The following ASCC3 variants were observed in gnomAD, a reference collection of about 807,000 sequenced individuals.
ASCC3 encodes ASC-1 complex subunit P200.
Under a neutral mutation model 256.3 loss-of-function variants are expected in ASCC3, and 158 were observed. That is an observed-to-expected ratio of 0.62 (90% CI 0.54 to 0.70). The LOEUF is 0.70. ASCC3 is among the 30% of genes least tolerant of loss of function. The pLI is 0.00. For synonymous variants in ASCC3, 948 were observed against 883.4 expected (o/e 1.07, Z -1.30); for missense variants, 2,259 against 2,626.0 (o/e 0.86, Z 3.05).
At chr6:100,608,180 G>GCACA (rs1773078652) in intron 30 of ASCC3, among the ~76,000 whole-genome samples, 1 of 19,884 alleles carries the variant, frequency 5.0e-5, no homozygotes, top group African/African-American at 1.4e-4. Context: ...ATTTATATAT[G>GCACA]TGTGTGTATA....
chr6:100,811,984 G>A (rs1382110217), intron 4 of ASCC3, among the ~76,000 whole-genome samples: 1 of 152,116 alleles, frequency 6.6e-6, no homozygotes, highest in African/African-American at 2.4e-5. Flanking sequence ...TAGTTTCAAA[G>A]CTAGTTATAA....
intron 13 of ASCC3, among the ~76,000 whole-genome samples, chr6:100,685,817 G>C (rs1450434926): frequency 6.6e-6 from 1 of 152,096 alleles, no homozygotes; most frequent in Non-Finnish European, 1.5e-5. Flanking sequence ...ATTTTAAAAG[G>C]TTTCATTGTG....
At chr6:100,597,106 A>C (rs866924067) in intron 34 of ASCC3, among the ~76,000 whole-genome samples, 3 of 152,190 alleles carry the variant, frequency 2.0e-5, no homozygotes, top group Middle Eastern at 3.4e-3. Flanking sequence ...CAGCACCCTT[A>C]ATGAGGCCCA....
At chr6:100,661,358 C>CACACACACACACACACAA in intron 16 of ASCC3, among the ~76,000 whole-genome samples, 1 of 143,156 alleles carries the variant, frequency 7.0e-6, no homozygotes, top group South Asian at 2.3e-4. Context: ...CACACACACA[C>CACACACACACACACACAA]AAAACAAATG....
In ASCC3 at chr6:100,520,481, T is replaced by C. The variant is rs1349735814; in HGVS notation, c.5776-2339A>G. On this transcript the variant is annotated intron_variant, in intron 37 of 41. Coordinates refer to ENST00000369162, the MANE Select transcript of ASCC3 (RefSeq NM_006828.4). ...AACAAATACCATTCCTTGTACTTTG[T>C]CCCTCTGGGAAATTCCTATTCATCC... Among the ~76,000 whole-genome samples, 4 of 152,080 alleles carry C rather than the reference T, an allele frequency of 2.6e-5. No individual in the cohort carries two copies. In the South Asian group the frequency reaches 8.3e-4, roughly 32 times the overall value.
chr6:100,767,065 A>G, intron 9 of ASCC3, 80 bp downstream of exon 9: 1 of 1,404,542 alleles, frequency 7.1e-7, no homozygotes, highest in Non-Finnish European at 9.9e-7. Flanking sequence ...AAGAACTTTC[A>G]AATTTCATGT....
chr6:100,604,581 G>A (rs963640885), intron 33 of ASCC3, among the ~76,000 whole-genome samples: 1 of 151,450 alleles, frequency 6.6e-6, no homozygotes, highest in Non-Finnish European at 1.5e-5. Flanking sequence ...AGGACCACAT[G>A]CATGAACCAC....
chr6:100,814,485 C>T (rs1249756268), intron 4 of ASCC3, among the ~76,000 whole-genome samples: 1 of 152,136 alleles, frequency 6.6e-6, no homozygotes, highest in Middle Eastern at 3.4e-3. Flanking sequence ...GTCCCTCCTC[C>T]CCATTTTCTT....
Position 100,565,384 on chromosome 6 carries a change from A to G in ASCC3, c.5550+24250T>C, listed in dbSNP as rs998630256. 3.9e-5 allele frequency among the ~76,000 whole-genome samples: 6 copies of G among 152,192 alleles called. No homozygotes were observed. The East Asian group carries it at 1.2e-3, about 29-fold the overall frequency. On this transcript the variant is annotated intron_variant, in intron 36 of 41. Coordinates refer to ENST00000369162, the MANE Select transcript of ASCC3 (RefSeq NM_006828.4). The stretch of plus-strand genomic sequence containing the variant: ...CATTTGCAAAGCGTCTTAGTGAAGG[A>G]GTAATGACCCAGCCATAATCAGTAT...
At chr6:100,589,804 A>G in intron 35 of ASCC3, 36 bp from the exon 36 acceptor site, 2 of 1,612,450 alleles carry the variant, frequency 1.2e-6, no homozygotes, top group South Asian at 2.2e-5. Flanking sequence ...GAGTACGATG[A>G]AAGTACATAT....
chr6:100,605,743 T>C (rs758158432), intron 32 of ASCC3, 43 bp from the exon 33 acceptor site: 8 of 1,592,202 alleles, frequency 5.0e-6, no homozygotes, highest in Admixed American at 3.3e-5. Context: ...ATGTGGCATA[T>C]AGCACAAGGT....
chr6:100,743,835 C>T (rs6939633), intron 10 of ASCC3, among the ~76,000 whole-genome samples: 148,156 of 152,240 alleles, frequency 0.97, 72,230 homozygotes, highest in East Asian at 1. Flanking sequence ...CTACATATCA[C>T]TGGATTATAA....
At position 100,628,092 on chromosome 6, in the gene ASCC3, A is replaced by AAAC. The variant is rs1554203935; in HGVS notation, c.4376-106_4376-105insGTT. The AAAC allele has an allele frequency of 1.1e-3, 745 of 656,656 alleles. 4 individuals carry two copies. The African/African-American group carries it at 0.014, about 12-fold the overall frequency. The allele number at this position is 656,656 out of a possible 1,614,324, so 40.7% of individuals were successfully genotyped here. Reference sequence around the variant, plus strand: ...TGTAGCTTCCTCAAAAAACAAAAACAAAAAAAAAAACAAAAAAAAAGCTAA... The same window carrying AAAC: ...TGTAGCTTCCTCAAAAAACAAAAACAAACAAAAAAAAAACAAAAAAAAAGCTAA... On this transcript the variant is annotated intron_variant, in intron 27 of 41. Coordinates refer to ENST00000369162, the MANE Select transcript of ASCC3 (RefSeq NM_006828.4).
chr6:100,853,106 T>A (rs1582964713), intron 3 of ASCC3, among the ~76,000 whole-genome samples: 1 of 152,180 alleles, frequency 6.6e-6, no homozygotes. Flanking sequence ...TAAATAATTT[T>A]CAAACTTAAA....
At position 100,540,306 on chromosome 6, in the gene ASCC3, C is replaced by A; in HGVS notation, c.5632G>T (p.Glu1878Ter). The A allele has an allele frequency of 6.2e-7, 1 of 1,612,492 alleles. No individual in the cohort carries two copies. The highest frequency in any genetic ancestry group is 8.5e-7 in the Non-Finnish European group (1 of 1,179,750). Reference protein sequence around the residue: ...NSELAKCLPIESNPHSFDSPH... With the variant: ...NSELAKCLPI Reference sequence around the variant, plus strand: ...CTGTCAAATGAATGAGGATTTGATTCAATGGGAAGACATTTTGCCAGTTCA... The same window carrying A: ...CTGTCAAATGAATGAGGATTTGATTAAATGGGAAGACATTTTGCCAGTTCA... The change falls in exon 37 of 42, where the codon GAA becomes TAA. Residue 1878 changes from glutamate to a stop codon, truncating the protein, a stop_gained. Coordinates refer to ENST00000369162, the MANE Select transcript of ASCC3 (RefSeq NM_006828.4). LOFTEE classifies it high-confidence loss of function.
At chr6:100,721,506 G>A (rs1158583456) in intron 11 of ASCC3, among the ~76,000 whole-genome samples, 2 of 151,646 alleles carry the variant, frequency 1.3e-5, no homozygotes, top group East Asian at 3.9e-4. Flanking sequence ...TGCCTTGTAG[G>A]AATAATGGAC....
chr6:100,648,525 G>A (rs541673779), intron 20 of ASCC3, among the ~76,000 whole-genome samples: 10 of 152,012 alleles, frequency 6.6e-5, no homozygotes, highest in East Asian at 1.9e-4. Flanking sequence ...TAAGATATGC[G>A]CTGTCTTTTG....
chr6:100,622,047 A>C (rs936663769), intron 30 of ASCC3, among the ~76,000 whole-genome samples: 1 of 152,092 alleles, frequency 6.6e-6, no homozygotes, highest in Non-Finnish European at 1.5e-5. Flanking sequence ...ATGAGAACAC[A>C]TGGACATACG....
chr6:100,871,466 T>C (rs980011759), intron 1 of ASCC3, among the ~76,000 whole-genome samples: 1 of 152,078 alleles, frequency 6.6e-6, no homozygotes, highest in African/African-American at 2.4e-5. Flanking sequence ...AATTCATCTA[T>C]TAAGAAATCC....
Sources: gnomAD v4.1 joint callset for allele counts (sites outside exome capture counted in the v4.1 genomes callset) on GRCh38, gnomAD v4.1.1 for gene constraint, MANE v1.5 for transcripts, NCBI Gene and HGNC (gene_info 2026-07-23, HGNC 2026-07-21) for gene names.